USH2A: variants seen among roughly 807,000 people sequenced by gnomAD.
USH2A encodes usherin, also known as Usher syndrome 2A (autosomal recessive, mild).
Under a neutral mutation model 538.9 loss-of-function variants are expected in USH2A, and 443 were observed. The observed-to-expected ratio is 0.82, with a 90% CI of 0.76 to 0.89. The LOEUF (loss-of-function observed/expected upper bound fraction) is 0.89, where lower values mean the gene tolerates loss of function less well. USH2A is among the 40% of genes least tolerant of loss of function. The pLI, the probability that USH2A is intolerant of heterozygous loss-of-function variation, is 0.00. For missense variants in USH2A, 6,633 were observed against 6,324.8 expected, an observed-to-expected ratio of 1.05 and a Z score of -1.65; for synonymous variants, 2,413 against 2,273.5, an observed-to-expected ratio of 1.06 and a Z score of -1.75.
At chr1:216,129,162 A>G (rs916974710) in intron 21 of USH2A, among the ~76,000 whole-genome samples, 5 of 152,104 alleles carry the variant, frequency 3.3e-5, no homozygotes, top group African/African-American at 1.2e-4. Flanking sequence ...ATTGATGGAC[A>G]CTTAGTTTGA....
At chr1:216,393,032 A>G (rs1393696141) in intron 3 of USH2A, among the ~76,000 whole-genome samples, 1 of 152,186 alleles carries the variant, frequency 6.6e-6, no homozygotes. Flanking sequence ...TACATAGTAG[A>G]TATCTATTGT....
chr1:216,402,625 T>C (rs1349465979), intron 3 of USH2A, among the ~76,000 whole-genome samples: 1 of 152,196 alleles, frequency 6.6e-6, no homozygotes, highest in African/African-American at 2.4e-5. Context: ...CAATGTTTTC[T>C]TTCTCTATTT....
At chr1:215,661,733 T>A (rs1410239345) in intron 64 of USH2A, among the ~76,000 whole-genome samples, 1 of 152,162 alleles carries the variant, frequency 6.6e-6, no homozygotes, top group East Asian at 1.9e-4. Flanking sequence ...TGCCCCTTCA[T>A]GTCTCTGTGG....
intron 20 of USH2A, among the ~76,000 whole-genome samples, chr1:216,183,727 C>T (rs530279965): frequency 1.3e-5 from 2 of 151,898 alleles, no homozygotes; most frequent in African/African-American, 2.4e-5. Flanking sequence ...TGGCAATCTG[C>T]GAGCATGCTA....
intron 71 of USH2A, among the ~76,000 whole-genome samples, chr1:215,627,389 CT>C (rs1656070402): frequency 1.6e-4 from 2 of 12,230 alleles, no homozygotes; most frequent in South Asian, 5.9e-3. Flanking sequence ...TCCTTCTTTC[CT>C]TCCTTCCTTC....
At chr1:216,156,363 T>C (rs2033940517) in intron 21 of USH2A, among the ~76,000 whole-genome samples, 1 of 142,906 alleles carries the variant, frequency 7.0e-6, no homozygotes, top group African/African-American at 2.6e-5. Flanking sequence ...TCACTAATCC[T>C]CTAGACTGGG....
At chr1:215,971,694 A>G (rs1023741955) in intron 35 of USH2A, among the ~76,000 whole-genome samples, 9 of 152,206 alleles carry the variant, frequency 5.9e-5, no homozygotes, top group Non-Finnish European at 2.9e-5. Context: ...AATTATATAA[A>G]CAAGAATTAT....
At chr1:216,181,868 G>A (rs1187597728) in intron 20 of USH2A, among the ~76,000 whole-genome samples, 1 of 152,078 alleles carries the variant, frequency 6.6e-6, no homozygotes, top group East Asian at 1.9e-4. Flanking sequence ...TACAGTTACA[G>A]TTAATGCACT....
intron 21 of USH2A, among the ~76,000 whole-genome samples, chr1:216,110,568 A>C (rs553577157): frequency 2.0e-5 from 3 of 152,344 alleles, no homozygotes; most frequent in South Asian, 4.1e-4. Context: ...GAAAGGCATA[A>C]TACTTACTTT....
At chr1:215,730,865 G>T (rs1571629075) in intron 60 of USH2A, among the ~76,000 whole-genome samples, 1 of 152,170 alleles carries the variant, frequency 6.6e-6, no homozygotes, top group Non-Finnish European at 1.5e-5. Flanking sequence ...GCAGGGTTTG[G>T]CCTTTGTACT....
At chr1:216,011,471 G>C (rs555628124) in intron 32 of USH2A, among the ~76,000 whole-genome samples, 2 of 152,192 alleles carry the variant, frequency 1.3e-5, no homozygotes, top group African/African-American at 4.8e-5. Context: ...CCTGCTGATC[G>C]TGTCTGATTA....
chr1:215,758,721 C>T lies in USH2A; in HGVS notation c.11263G>A (p.Gly3755Ser). Residue 3755 changes from glycine (G) to serine (S), a missense_variant, in exon 58 of 72, where the codon GGT (glycine) becomes AGT (serine). Transcript: ENST00000307340. The stretch of plus-strand genomic sequence containing the variant: ...TAATCATCACTAGCACTGCTGCCAC[C>T]TCCAGTTTTGACTTCTAACTTGTAA... Reference protein sequence around the residue: ...YTYKLEVKTGGGSSASDDYIV... With the variant: ...YTYKLEVKTGSGSSASDDYIV... 5 of 1,613,926 alleles carry T rather than the reference C, an allele frequency of 3.1e-6. No homozygotes were observed. Among genetic ancestry groups the T allele is most frequent in the Non-Finnish European group, 4.2e-6 (5 of 1,179,958 alleles).
intron 37 of USH2A, among the ~76,000 whole-genome samples, chr1:215,946,682 CT>C (rs1666765663): frequency 6.6e-6 from 1 of 152,188 alleles, no homozygotes; most frequent in Non-Finnish European, 1.5e-5. Flanking sequence ...ACAATAGCCC[CT>C]ATCCACATAT....
intron 4 of USH2A, among the ~76,000 whole-genome samples, chr1:216,356,703 A>G (rs1558052417): frequency 1.3e-5 from 2 of 152,020 alleles, no homozygotes; most frequent in Non-Finnish European, 2.9e-5. Flanking sequence ...ATTATAATTT[A>G]TTAAATCAAT....
intron 21 of USH2A, among the ~76,000 whole-genome samples, chr1:216,127,687 T>G (rs892447142): frequency 6.6e-6 from 1 of 152,174 alleles, no homozygotes; most frequent in African/African-American, 2.4e-5. Context: ...AAAGAGAGAA[T>G]TCACACAAAG....
At chr1:216,297,472 T>C (rs1433282231) in intron 9 of USH2A, among the ~76,000 whole-genome samples, 1 of 152,080 alleles carries the variant, frequency 6.6e-6, no homozygotes, top group East Asian at 1.9e-4. Flanking sequence ...TAAGTGGTAA[T>C]ATATAAATAA....
intron 11 of USH2A, among the ~76,000 whole-genome samples, chr1:216,272,437 A>AT (rs1317619023): frequency 6.6e-6 from 1 of 152,056 alleles, no homozygotes; most frequent in Non-Finnish European, 1.5e-5. Flanking sequence ...GCGTTTGTTC[A>AT]TTTTCACTAT....
chr1:215,690,488 A>C (rs1367189200), intron 61 of USH2A, among the ~76,000 whole-genome samples: 1 of 152,172 alleles, frequency 6.6e-6, no homozygotes, highest in Non-Finnish European at 1.5e-5. Flanking sequence ...TTGGAAGGCT[A>C]AGGTGGAAGA....
At chr1:215,886,943 C>T (rs918727202) in intron 41 of USH2A, among the ~76,000 whole-genome samples, 2 of 152,032 alleles carry the variant, frequency 1.3e-5, no homozygotes, top group Non-Finnish European at 2.9e-5. Flanking sequence ...CTGCAAGCTC[C>T]GCCTCCCAGG....
Sources: gnomAD v4.1 joint callset for allele counts (sites outside exome capture counted in the v4.1 genomes callset) on GRCh38, gnomAD v4.1.1 for gene constraint, MANE v1.5 for transcripts, NCBI Gene and HGNC (gene_info 2026-07-23, HGNC 2026-07-21) for gene names.